Variants in VPS37A observed in about 807,000 individuals in gnomAD.
The protein encoded by VPS37A is VPS37A subunit of ESCRT-I.
In VPS37A, 30 loss-of-function variants were observed where a neutral mutation model predicts 49.8. The observed-to-expected ratio is 0.60, with a 90% CI of 0.45 to 0.82. The LOEUF is 0.82. Among genes scored for constraint, VPS37A ranks in the 40% least tolerant of loss-of-function variants. The pLI, the probability that VPS37A is intolerant of heterozygous loss-of-function variation, is 0.00. For missense variants in VPS37A, 593 were observed against 464.4 expected, an observed-to-expected ratio of 1.28 and a Z score of -2.55; for synonymous variants, 195 against 160.6, an observed-to-expected ratio of 1.21 and a Z score of -1.62.
chr8:17,311,904 C>T, the VPS37A span: 7 of 377,822 alleles, frequency 1.9e-5, no homozygotes, highest in Admixed American at 8.2e-5. Context: ...CATAAGCATT[C>T]GTCCTATGCA....
At chr8:17,332,721 C>T in the VPS37A span, among the ~76,000 whole-genome samples, 5 of 152,288 alleles carry the variant, frequency 3.3e-5, no homozygotes, top group African/African-American at 9.6e-5. Flanking sequence ...AAGTCAGAGA[C>T]CCTCTGTGCA....
the VPS37A span, among the ~76,000 whole-genome samples, chr8:17,307,838 G>A: frequency 6.6e-6 from 1 of 150,722 alleles, no homozygotes; most frequent in African/African-American, 2.4e-5. Flanking sequence ...ACTGAACAAT[G>A]AGAACACAAG....
At chr8:17,248,339 A>G (rs768042638) in intron 1 of VPS37A, 7 of 443,928 alleles carry the variant, frequency 1.6e-5, no homozygotes, top group South Asian at 1.1e-4. Context: ...ATCTCGGTTC[A>G]CTGCAACCTC....
At chr8:17,252,012 A>G (rs865778867) in intron 1 of VPS37A, among the ~76,000 whole-genome samples, 8 of 152,204 alleles carry the variant, frequency 5.3e-5, no homozygotes, top group African/African-American at 1.7e-4. Context: ...TTCTCAGCTC[A>G]TGAGGACTCA....
At chr8:17,252,407 G>A (rs1812061208) in intron 1 of VPS37A, among the ~76,000 whole-genome samples, 1 of 152,050 alleles carries the variant, frequency 6.6e-6, no homozygotes, top group Non-Finnish European at 1.5e-5. Context: ...CAAACTCCTG[G>A]GCCCAAGCAC....
At chr8:17,249,477 T>C (rs79740248) in intron 1 of VPS37A, among the ~76,000 whole-genome samples, 4,576 of 152,322 alleles carry the variant, frequency 0.03, 110 homozygotes, top group Non-Finnish European at 0.046. Flanking sequence ...TAAGTTCTTT[T>C]ATAAAAACAC....
At chr8:17,291,788 G>C (rs1323410196) in intron 11 of VPS37A, among the ~76,000 whole-genome samples, 3 of 152,196 alleles carry the variant, frequency 2.0e-5, no homozygotes, top group African/African-American at 4.8e-5. Flanking sequence ...GTGTGGTTTT[G>C]AGTGAGTTTC....
At chr8:17,261,391 T>TAGTG (rs1812948061) in intron 1 of VPS37A, among the ~76,000 whole-genome samples, 1 of 152,228 alleles carries the variant, frequency 6.6e-6, no homozygotes, top group South Asian at 2.1e-4. Flanking sequence ...ATCTTGGAGA[T>TAGTG]CACTGAGTTT....
chr8:17,311,876 GC>G, the VPS37A span: 1 of 516,658 alleles, frequency 1.9e-6, no homozygotes. Flanking sequence ...CCTCCAATAA[GC>G]GCATGTACTT....
At chr8:17,306,802 G>A (rs1817484019), downstream of VPS37A, among the ~76,000 whole-genome samples, 3 of 152,162 alleles carry the variant, frequency 2.0e-5, no homozygotes, top group Admixed American at 1.3e-4. Flanking sequence ...CTCACCTTTG[G>A]TAGCTTTAAA....
chr8:17,283,522 T>G (rs1052368789), intron 9 of VPS37A, among the ~76,000 whole-genome samples: 1 of 152,194 alleles, frequency 6.6e-6, no homozygotes. Context: ...TGGAATCAAT[T>G]TTGTATTTAA....
At chr8:17,247,721 C>T (rs186838484) in intron 1 of VPS37A, 5 of 702,644 alleles carry the variant, frequency 7.1e-6, no homozygotes, top group African/African-American at 1.7e-5. Flanking sequence ...ACCTGATTGC[C>T]GCGTCAGCAG....
intron 1 of VPS37A, among the ~76,000 whole-genome samples, chr8:17,263,223 C>T (rs1254727725): frequency 1.3e-5 from 2 of 150,374 alleles, no homozygotes; most frequent in African/African-American, 2.5e-5. Context: ...GATTATAGAG[C>T]AATATGTTTA....
At chr8:17,307,682 T>C in the VPS37A span, among the ~76,000 whole-genome samples, 5 of 152,170 alleles carry the variant, frequency 3.3e-5, no homozygotes, top group Non-Finnish European at 7.3e-5. Context: ...GTGGCACATA[T>C]ACACCATGGA....
At chr8:17,276,085 G>T (rs1814484554) in intron 5 of VPS37A, among the ~76,000 whole-genome samples, 2 of 151,980 alleles carry the variant, frequency 1.3e-5, no homozygotes, top group African/African-American at 4.8e-5. Flanking sequence ...TCACTTGAGA[G>T]AAACATATTC....
chr8:17,310,528 A>C, the VPS37A span, among the ~76,000 whole-genome samples: 1 of 152,162 alleles, frequency 6.6e-6, no homozygotes. Flanking sequence ...GCAGTGTGTG[A>C]CTGGCAACCT....
intron 4 of VPS37A, chr8:17,271,969 C>G (rs556683877): frequency 2.2e-6 from 1 of 456,278 alleles, no homozygotes; most frequent in Admixed American, 2.4e-5. Context: ...TTTAATTTCT[C>G]TCTCTTCTCA....
At chr8:17,324,577 T>C in the VPS37A span, among the ~76,000 whole-genome samples, 1 of 152,200 alleles carries the variant, frequency 6.6e-6, no homozygotes, top group African/African-American at 2.4e-5. Flanking sequence ...GAAATCCTCA[T>C]ACAACACCAG....
At chr8:17,269,253 C>T (rs2150379171) in intron 4 of VPS37A, among the ~76,000 whole-genome samples, 1 of 152,202 alleles carries the variant, frequency 6.6e-6, no homozygotes, top group Non-Finnish European at 1.5e-5. Context: ...CACTAAACTT[C>T]CTTTCTCCTC....
Sources: allele counts gnomAD v4.1 joint callset (sites outside exome capture counted in the v4.1 genomes callset), GRCh38; gene constraint gnomAD v4.1.1; transcripts MANE v1.5; gene names NCBI Gene and HGNC (gene_info 2026-07-23, HGNC 2026-07-21).